The following TFPI variants were observed in gnomAD, a reference collection of about 807,000 sequenced individuals.
The protein encoded by TFPI is anti-convertin.
TFPI carries 15 observed loss-of-function variants against 34.6 expected under a neutral mutation model. The ratio of observed to expected loss-of-function variants is 0.43; its 90% CI spans 0.29 to 0.67. The LOEUF (loss-of-function observed/expected upper bound fraction) is 0.67. Ranked by LOEUF, TFPI falls within the 30% of genes least tolerant of loss-of-function variation. TFPI has a pLI of 0.15. For synonymous variants in TFPI, 105 were observed against 120.1 expected (o/e 0.87, Z 0.82); for missense variants, 301 against 364.0 (o/e 0.83, Z 1.41).
chr2:187,501,737 A>G (rs1188510111), intron 2 of TFPI, among the ~76,000 whole-genome samples: 1 of 152,144 alleles, frequency 6.6e-6, no homozygotes, highest in African/African-American at 2.4e-5. Flanking sequence ...TACAAAAGAT[A>G]CTTGCCTTTC....
intron 3 of TFPI, among the ~76,000 whole-genome samples, chr2:187,490,895 CA>C (rs1357456741): frequency 6.6e-6 from 1 of 151,440 alleles, no homozygotes; most frequent in Non-Finnish European, 1.5e-5. Flanking sequence ...CTGCTTGTTT[CA>C]TTTTTTTAAT....
At chr2:187,507,129 A>C (rs1686279033) in intron 1 of TFPI, among the ~76,000 whole-genome samples, 1 of 151,990 alleles carries the variant, frequency 6.6e-6, no homozygotes, top group African/African-American at 2.4e-5. Context: ...TCATTGCTCA[A>C]CTTCCACTTA....
chr2:187,511,846 A>T (rs1319284067), intron 1 of TFPI, among the ~76,000 whole-genome samples: 2 of 152,030 alleles, frequency 1.3e-5, no homozygotes, highest in African/African-American at 4.8e-5. Context: ...GGAAAGAGAC[A>T]GAGAGGGAAA....
In TFPI at chr2:187,484,828, T is replaced by G; in HGVS notation, c.518A>C (p.Asn173Thr). The part of the protein sequence containing the change: ...NNFETLEECK[N>T]ICEDGPNGFQ... ...AAACTTACGACCATCTTCACAAATG[T>G]TCTTGCATTCTTCCAGTGTCTCAAA... Residue 173 changes from asparagine to threonine, a missense_variant, in exon 5 of 8, where the codon AAC (asparagine) becomes ACC (threonine). Coordinates refer to ENST00000233156, the MANE Select transcript of TFPI (RefSeq NM_006287.6). The G allele has an allele frequency of 6.3e-7, 1 of 1,588,512 alleles. No individual in the cohort carries two copies. Among genetic ancestry groups the G allele is most frequent in the Non-Finnish European group, 8.5e-7 (1 of 1,171,490 alleles).
At chr2:187,511,779 C>G (rs1473635889) in intron 1 of TFPI, among the ~76,000 whole-genome samples, 3 of 151,718 alleles carry the variant, frequency 2.0e-5, no homozygotes, top group Admixed American at 6.6e-5. Flanking sequence ...GTTGAGAGAA[C>G]AGCAGCATAA....
intron 3 of TFPI, among the ~76,000 whole-genome samples, chr2:187,494,647 A>AT (rs1428174671): frequency 6.6e-6 from 1 of 152,096 alleles, no homozygotes; most frequent in African/African-American, 2.4e-5. Flanking sequence ...GTCTAGCCAT[A>AT]TTTTTTCCAT....
At chr2:187,540,926 G>C (rs1271247815) in intron 1 of TFPI, among the ~76,000 whole-genome samples, 1 of 149,308 alleles carries the variant, frequency 6.7e-6, no homozygotes, top group African/African-American at 2.5e-5. Context: ...AAAAAAAAGA[G>C]AAAATAATAA....
Position 187,466,898 on chromosome 2 carries a change from ATATT to A in TFPI, c.*34_*37del, listed in dbSNP as rs755494166. The A allele has an allele frequency of 2.6e-5, 29 of 1,123,266 alleles. No homozygotes were observed. The highest frequency in any genetic ancestry group is 2.6e-4 in the Middle Eastern group (1 of 3,784). The allele number at this position is 1,123,266 out of a possible 1,614,324, so 69.6% of individuals were successfully genotyped here. A position where few individuals can be genotyped will look rare whatever the true frequency, so the allele number is the denominator to read the frequency against. On this transcript the variant is annotated 3_prime_UTR_variant, in exon 8 of 8. Coordinates refer to ENST00000233156, the MANE Select transcript of TFPI (RefSeq NM_006287.6). ...ATCATAGTGAAACATTTCATATAAA[ATATT>A]TAGTAGAATTAATGTTACATTGCTA...
chr2:187,497,985 A>G (rs895703379), intron 2 of TFPI, among the ~76,000 whole-genome samples: 3 of 151,862 alleles, frequency 2.0e-5, no homozygotes, highest in Non-Finnish European at 4.4e-5. Flanking sequence ...TGTATTTTCT[A>G]TGTCTTTGGC....
intron 1 of TFPI, among the ~76,000 whole-genome samples, chr2:187,551,745 T>C (rs62172429): frequency 0.04 from 6,069 of 152,242 alleles, 151 homozygotes; most frequent in Admixed American, 0.09. Context: ...CTAATGCACA[T>C]TGTAGCAATC....
chr2:187,502,487 A>G (rs1256470571), intron 2 of TFPI, among the ~76,000 whole-genome samples: 2 of 152,170 alleles, frequency 1.3e-5, no homozygotes, highest in African/African-American at 4.8e-5. Context: ...CCTTTTGAGA[A>G]AAAAGCCGAA....
chr2:187,504,146 TTCTC>T (rs1686038884), intron 1 of TFPI, among the ~76,000 whole-genome samples: 1 of 152,164 alleles, frequency 6.6e-6, no homozygotes, highest in Non-Finnish European at 1.5e-5. Flanking sequence ...CAGCTATTCT[TTCTC>T]AGTCAGAACC....
At chr2:187,474,150 A>G (rs1402046836) in intron 6 of TFPI, among the ~76,000 whole-genome samples, 1 of 152,202 alleles carries the variant, frequency 6.6e-6, no homozygotes, top group Non-Finnish European at 1.5e-5. Flanking sequence ...ATTATATCTT[A>G]TAATGCATTA....
chr2:187,493,621 T>C (rs763945147), intron 3 of TFPI, among the ~76,000 whole-genome samples: 1 of 152,226 alleles, frequency 6.6e-6, no homozygotes, highest in Non-Finnish European at 1.5e-5. Context: ...CTTTTGAAAC[T>C]GAATGCCTTT....
chr2:187,473,981 C>T (rs8176558), intron 6 of TFPI, among the ~76,000 whole-genome samples: 75 of 152,178 alleles, frequency 4.9e-4, no homozygotes, highest in Middle Eastern at 6.8e-3. Flanking sequence ...GGTAGATGTT[C>T]TCTGGGTTGG....
At chr2:187,533,561 G>A (rs960928442) in intron 1 of TFPI, among the ~76,000 whole-genome samples, 12 of 152,106 alleles carry the variant, frequency 7.9e-5, no homozygotes, top group South Asian at 4.1e-4. Context: ...CCACACAAAC[G>A]TCACCAACAT....
chr2:187,484,892 G>A lies in TFPI; in HGVS notation c.454C>T (p.Arg152Cys), dbSNP rs757564692. ...CCCAGGCATCCACCATACTTGAAACGTTCACACTGTTTTGTCTGATTGTTA... is the reference window on the plus strand; with the variant it reads ...CCCAGGCATCCACCATACTTGAAACATTCACACTGTTTTGTCTGATTGTTA... ...FYNNQTKQCE[R>C]FKYGGCLGNM... The change falls in exon 5 of 8, where the codon CGT (arginine) becomes TGT (cysteine). Residue 152 changes from arginine to cysteine, a missense_variant. Arg to Cys is a radical substitution (Grantham distance 180, BLOSUM62 -3). Coordinates refer to ENST00000233156, the MANE Select transcript of TFPI (RefSeq NM_006287.6). The A allele has an allele frequency of 9.4e-6, 15 of 1,594,348 alleles. No individual in the cohort carries two copies. Among genetic ancestry groups the A allele is most frequent in the African/African-American group, 1.4e-5 (1 of 73,982 alleles).
chr2:187,538,773 C>T (rs1303653184), intron 1 of TFPI, among the ~76,000 whole-genome samples: 1 of 152,030 alleles, frequency 6.6e-6, no homozygotes, highest in Non-Finnish European at 1.5e-5. Context: ...CTTGCATAAC[C>T]TTATTTAATG....
At chr2:187,503,462 T>TACACACAC (rs138349562) in intron 2 of TFPI, among the ~76,000 whole-genome samples, 186 bp downstream of exon 2, 1,951 of 142,264 alleles carry the variant, frequency 0.014, 20 homozygotes, top group East Asian at 0.063. Context: ...CATGTGCATG[T>TACACACAC]ACACACACAC....
Sources: allele counts gnomAD v4.1 joint callset (sites outside exome capture counted in the v4.1 genomes callset), GRCh38; gene constraint gnomAD v4.1.1; transcripts MANE v1.5; gene names NCBI Gene and HGNC (gene_info 2026-07-23, HGNC 2026-07-21).